The following NBAS variants were observed in gnomAD, a reference collection of about 807,000 sequenced individuals.
NBAS encodes the protein NAG/BC035112 fusion.
In NBAS, 219 loss-of-function variants were observed where a neutral mutation model predicts 302.5. The ratio of observed to expected loss-of-function variants is 0.72; its 90% CI spans 0.65 to 0.81. NBAS has a LOEUF of 0.81. Among genes scored for constraint, NBAS ranks in the 30% least tolerant of loss-of-function variants. NBAS has a pLI of 0.00. For missense variants in NBAS, 2,932 were observed against 2,841.6 expected (o/e 1.03, Z -0.72); for synonymous variants, 1,118 against 1,021.6 (o/e 1.09, Z -1.80).
chr2:14,781,988 C>T, the NBAS span, among the ~76,000 whole-genome samples: 1 of 152,162 alleles, frequency 6.6e-6, no homozygotes, highest in African/African-American at 2.4e-5. Flanking sequence ...TCCTCCTCCC[C>T]CGCCACAAGT....
chr2:15,104,497 C>A, the NBAS span, among the ~76,000 whole-genome samples: 1 of 129,108 alleles, frequency 7.7e-6, no homozygotes, highest in Non-Finnish European at 1.6e-5. Flanking sequence ...TATTTATCTG[C>A]TACTTTTTTT....
the NBAS span, among the ~76,000 whole-genome samples, chr2:14,795,865 G>T: frequency 6.6e-6 from 1 of 152,158 alleles, no homozygotes; most frequent in Non-Finnish European, 1.5e-5. Flanking sequence ...TCCTGGCGTG[G>T]AGGACAAAAT....
the NBAS span, among the ~76,000 whole-genome samples, chr2:15,113,189 G>T: frequency 6.6e-6 from 1 of 152,074 alleles, no homozygotes; most frequent in South Asian, 2.1e-4. Flanking sequence ...ATCCCTGGGT[G>T]GGGTAGGGGG....
intron 51 of NBAS, among the ~76,000 whole-genome samples, chr2:15,172,621 T>C (rs570632042): frequency 2.4e-4 from 36 of 152,356 alleles, no homozygotes; most frequent in Middle Eastern, 3.4e-3. Context: ...TGATCAGAAA[T>C]TGACTTTGGT....
Position 15,353,620 on chromosome 2 carries a change from G to A in NBAS, c.4022C>T (p.Ala1341Val), listed in dbSNP as rs759328164. ...LATRQELMAF[A>V]LTHCPPSSIE... ...GCTGCTAGGAGGGCAATGTGTCAAA[G>A]CAAAAGCCATGAGCTCTTGACGAGT... The change falls in exon 34 of 52, where the codon GCT becomes GTT. Residue 1341 changes from alanine to valine, a missense_variant. Physicochemically the swap from Ala to Val is moderately conservative, Grantham distance 64. Transcript: ENST00000281513. The A allele has an allele frequency of 2.5e-6, 4 of 1,613,938 alleles. No homozygotes were observed. The highest frequency in any genetic ancestry group is 3.4e-6 in the Non-Finnish European group (4 of 1,179,980).
At chr2:15,045,580 T>C in the NBAS span, among the ~76,000 whole-genome samples, 2 of 152,250 alleles carry the variant, frequency 1.3e-5, no homozygotes, top group Non-Finnish European at 1.5e-5. Context: ...TCCCATTGTA[T>C]ATATACATCA....
At chr2:14,964,338 T>C in the NBAS span, among the ~76,000 whole-genome samples, 1 of 152,186 alleles carries the variant, frequency 6.6e-6, no homozygotes, top group African/African-American at 2.4e-5. Context: ...AATCAAATTT[T>C]TGAATTGAAA....
chr2:15,439,913 T>C (rs10929368), intron 21 of NBAS, among the ~76,000 whole-genome samples: 96,926 of 152,136 alleles, frequency 0.64, 31,624 homozygotes, highest in Middle Eastern at 0.69. Context: ...GCTAACACAG[T>C]TGTCTGAGAT....
chr2:15,261,672 G>A (rs1441797178), intron 44 of NBAS, among the ~76,000 whole-genome samples: 1 of 152,154 alleles, frequency 6.6e-6, no homozygotes. Context: ...ACATTCCTAA[G>A]TTTTTCAATA....
At chr2:15,482,729 A>G (rs1424111591) in intron 12 of NBAS, among the ~76,000 whole-genome samples, 1 of 151,864 alleles carries the variant, frequency 6.6e-6, no homozygotes. Context: ...CTGGATCTCT[A>G]ACTATAGTGC....
chr2:14,834,000 G>A, the NBAS span, among the ~76,000 whole-genome samples: 3 of 152,106 alleles, frequency 2.0e-5, no homozygotes, highest in African/African-American at 7.2e-5. Flanking sequence ...ACAGAATTCA[G>A]ATTAGAGCTG....
chr2:15,398,364 C>T (rs1385681972), intron 26 of NBAS, among the ~76,000 whole-genome samples: 3 of 152,150 alleles, frequency 2.0e-5, no homozygotes, highest in African/African-American at 7.2e-5. Flanking sequence ...AGACTGGTCT[C>T]AACTGATTCT....
the NBAS span, among the ~76,000 whole-genome samples, chr2:14,942,246 T>C: frequency 6.6e-6 from 1 of 152,210 alleles, no homozygotes; most frequent in Non-Finnish European, 1.5e-5. Context: ...TGGGTCTGTG[T>C]CCCCACCAAA....
chr2:15,046,272 A>G, the NBAS span, among the ~76,000 whole-genome samples: 2 of 152,186 alleles, frequency 1.3e-5, no homozygotes, highest in Admixed American at 6.5e-5. Context: ...TTTTTATTTT[A>G]GTTCTTAAGG....
intron 11 of NBAS, among the ~76,000 whole-genome samples, chr2:15,489,983 C>T (rs1006674296): frequency 6.6e-6 from 1 of 152,170 alleles, no homozygotes; most frequent in Non-Finnish European, 1.5e-5. Context: ...TCTGGCAAAA[C>T]ACAGCCCACA....
At chr2:14,992,014 TC>T in the NBAS span, among the ~76,000 whole-genome samples, 3 of 152,110 alleles carry the variant, frequency 2.0e-5, no homozygotes, top group African/African-American at 7.2e-5. Context: ...TGTGTGGAGA[TC>T]AGGGAAGGCT....
chr2:14,992,866 T>C, the NBAS span, among the ~76,000 whole-genome samples: 1 of 151,996 alleles, frequency 6.6e-6, no homozygotes, highest in African/African-American at 2.4e-5. Context: ...TTTCATGGGG[T>C]AAGGAGAGCG....
chr2:15,068,044 T>G, the NBAS span, among the ~76,000 whole-genome samples: 1 of 152,056 alleles, frequency 6.6e-6, no homozygotes, highest in Non-Finnish European at 1.5e-5. Context: ...TCCAATTACT[T>G]CTAGAATTGT....
chr2:14,980,439 C>A, the NBAS span, among the ~76,000 whole-genome samples: 67 of 152,228 alleles, frequency 4.4e-4, no homozygotes, highest in African/African-American at 1.5e-3. Context: ...TCCAAAAAAA[C>A]CAGCAGCCTG....
Sources: gnomAD v4.1 joint callset for allele counts (sites outside exome capture counted in the v4.1 genomes callset) on GRCh38, gnomAD v4.1.1 for gene constraint, MANE v1.5 for transcripts, NCBI Gene and HGNC (gene_info 2026-07-23, HGNC 2026-07-21) for gene names.